Variants in PACS2 observed in about 807,000 individuals in gnomAD.
PACS2 encodes phosphofurin acidic cluster sorting protein 2.
Under a neutral mutation model 113.0 loss-of-function variants are expected in PACS2, and 36 were observed. The observed-to-expected ratio is 0.32, with a 90% CI of 0.24 to 0.42. PACS2 has a LOEUF of 0.42. Ranked by LOEUF, PACS2 falls within the 10% of genes least tolerant of loss-of-function variation. The pLI, the probability that PACS2 is intolerant of heterozygous loss-of-function variation, is 1.00. For synonymous variants in PACS2, 589 were observed against 536.1 expected (o/e 1.10, Z -1.36); for missense variants, 1,015 against 1,239.5 (o/e 0.82, Z 2.72).
intron 20 of PACS2, chr14:105,390,351 AGGAGCCCAAGGCCCCG>A (rs2081315100): frequency 8.6e-6 from 3 of 350,208 alleles, no homozygotes; most frequent in Non-Finnish European, 1.6e-5. Context: ...TCTGTCCTTT[AGGAGCCCAAGGCCCCG>A]GGAGCTTCCC....
At chr14:105,349,260 A>G (rs1466159677) in intron 2 of PACS2, among the ~76,000 whole-genome samples, 1 of 152,176 alleles carries the variant, frequency 6.6e-6, no homozygotes, top group African/African-American at 2.4e-5. Flanking sequence ...TGTGGCCTGT[A>G]TAGGGCCACC....
intron 4 of PACS2, among the ~76,000 whole-genome samples, chr14:105,362,219 C>A (rs756646019): frequency 1.3e-5 from 2 of 150,716 alleles, no homozygotes; most frequent in Admixed American, 1.3e-4. Flanking sequence ...GAGATCAAGA[C>A]CATCCTGGCT....
At position 105,376,375 on chromosome 14, in the gene PACS2, G is replaced by A. The variant is rs1204557483; in HGVS notation, c.802-393G>A. On this transcript the variant is annotated intron_variant, in intron 8 of 24. Transcript: ENST00000447393. This position sits in a 1 kb window ranked among gnomAD's most constrained non-coding sequence, Gnocchi z 4.7. ...GAGATTCGCAGGGCCTGGGGCTGAG[G>A]GAGGGGACGCACTAGAGGAAGGCAA... 6.6e-5 allele frequency among the ~76,000 whole-genome samples: 10 copies of A among 152,200 alleles called. No individual in the cohort carries two copies. Among genetic ancestry groups the A allele is most frequent in the Non-Finnish European group, 1.5e-5 (1 of 68,020 alleles).
Position 105,308,449 on chromosome 14 carries a change from T to TGGTG in PACS2, c.-83+7470_-83+7471insGGTG, listed in dbSNP as rs1301238413. ...GTGAGCTGAGATGGCACCATTGTAC[T>TGGTG]CCAGCCTGGGCACGACAGAGGCAGA... On this transcript the variant is annotated intron_variant, in intron 1 of 23. Transcript: ENST00000430725. Among the ~76,000 whole-genome samples the TGGTG allele has an allele frequency of 2.2e-4, 33 of 149,986 alleles. 1 individual carries two copies. The highest frequency in any genetic ancestry group is 1.5e-3 in the Admixed American group (23 of 15,128).
chr14:105,304,732 C>T (rs934993835), intron 1 of PACS2, among the ~76,000 whole-genome samples: 1 of 152,178 alleles, frequency 6.6e-6, no homozygotes, highest in Non-Finnish European at 1.5e-5. Context: ...GCTGCAGAGG[C>T]CTCACAATCA....
intron 2 of PACS2, among the ~76,000 whole-genome samples, chr14:105,349,840 C>T (rs979201328): frequency 2.8e-5 from 4 of 142,774 alleles, no homozygotes; most frequent in East Asian, 1.9e-4. Flanking sequence ...TCCAGGAGTG[C>T]GTGGCTAATG....
chr14:105,386,775 G>C (rs10150076), intron 19 of PACS2, among the ~76,000 whole-genome samples: 6,499 of 152,194 alleles, frequency 0.043, 487 homozygotes, highest in African/African-American at 0.15. Context: ...CTGGGCGCTG[G>C]GAAGACACAG....
At chr14:105,316,968 G>A (rs997706196) in intron 1 of PACS2, among the ~76,000 whole-genome samples, 3 of 152,208 alleles carry the variant, frequency 2.0e-5, no homozygotes, top group Non-Finnish European at 4.4e-5. Flanking sequence ...CTCATAATGA[G>A]CTCCTGCCCT....
intron 1 of PACS2, among the ~76,000 whole-genome samples, chr14:105,339,740 C>T (rs782303674): frequency 2.0e-5 from 3 of 151,168 alleles, no homozygotes; most frequent in Admixed American, 2.0e-4. Flanking sequence ...AAGAACAAGT[C>T]TTAATTGAAT....
At chr14:105,350,993 G>C (rs782711782) in intron 2 of PACS2, among the ~76,000 whole-genome samples, 8 of 152,204 alleles carry the variant, frequency 5.3e-5, no homozygotes, top group Non-Finnish European at 1.2e-4. Context: ...TGGAGCCCGA[G>C]TACGGCCATG....
chr14:105,369,625 T>TC lies in PACS2; in HGVS notation c.742-212dup, dbSNP rs1334349038. Among the ~76,000 whole-genome samples the TC allele has an allele frequency of 9.2e-5, 14 of 151,786 alleles. No individual in the cohort carries two copies. The East Asian group carries it at 2.7e-3, about 30-fold the overall frequency. On this transcript the variant is annotated intron_variant, in intron 7 of 24. Coordinates refer to ENST00000447393, the MANE Select transcript of PACS2 (RefSeq NM_001100913.3). ...AAGAACCATGGAGTCCGCACACGCCTCCCCGGGTCCCCCTTGGCCAGGAAT... is the reference window on the plus strand; with the variant it reads ...AAGAACCATGGAGTCCGCACACGCCTCCCCCGGGTCCCCCTTGGCCAGGAAT...
In PACS2 at chr14:105,355,544, C is replaced by T. The variant is rs1555405193; in HGVS notation, c.423+367C>T. ...CCACGGGTGCGTCCTGTGATGGGTT[C>T]GTGTCTGCATCCTGCTCAGCACGTG... On this transcript the variant is annotated intron_variant, in intron 4 of 24. Coordinates refer to ENST00000447393, the MANE Select transcript of PACS2 (RefSeq NM_001100913.3). The surrounding 1 kb of genome is among the most constrained non-coding windows in gnomAD (Gnocchi z 4.1). 2.0e-5 allele frequency among the ~76,000 whole-genome samples: 3 copies of T among 152,216 alleles called. No individual in the cohort carries two copies. Among genetic ancestry groups the T allele is most frequent in the African/African-American group, 4.8e-5 (2 of 41,462 alleles).
In PACS2 at chr14:105,317,514, G is replaced by A. The variant is rs587759197; in HGVS notation, c.119+2477G>A. On this transcript the variant is annotated intron_variant, in intron 1 of 24. Transcript: ENST00000447393. This position sits in a 1 kb window ranked among gnomAD's most constrained non-coding sequence, Gnocchi z 4.2. ...CATTTGACTTAATTTTTGCCAGTCT[G>A]GTGGGTGTGAAGTGGTATCGTGGTT... is the stretch of plus-strand genomic sequence containing the variant. 2.3e-3 allele frequency among the ~76,000 whole-genome samples: 354 copies of A among 152,292 alleles called. No individual in the cohort carries two copies. The highest frequency in any genetic ancestry group is 8.5e-3 in the South Asian group (41 of 4,826).
At chr14:105,369,427 G>A (rs1183454637) in intron 7 of PACS2, among the ~76,000 whole-genome samples, 4 of 152,312 alleles carry the variant, frequency 2.6e-5, no homozygotes, top group Non-Finnish European at 2.9e-5. Flanking sequence ...AGGGTGGCAC[G>A]AGGCACCCAC....
intron 8 of PACS2, among the ~76,000 whole-genome samples, chr14:105,375,464 AGTG>A: frequency 7.0e-6 from 1 of 141,908 alleles, no homozygotes; most frequent in East Asian, 2.0e-4. Context: ...GGCAACAGAC[AGTG>A]CGAGACTCCA....
At chr14:105,373,170 A>G (rs1555409712) in intron 8 of PACS2, among the ~76,000 whole-genome samples, 1 of 152,252 alleles carries the variant, frequency 6.6e-6, no homozygotes, top group Non-Finnish European at 1.5e-5. Flanking sequence ...TGATGTACAA[A>G]TTCAACAAAT....
chr14:105,302,691 T>C (rs2058076978), intron 1 of PACS2, among the ~76,000 whole-genome samples: 2 of 152,088 alleles, frequency 1.3e-5, no homozygotes, highest in South Asian at 2.1e-4. Flanking sequence ...GCTCAGGTGA[T>C]CCTCCCACCT....
Position 105,376,966 on chromosome 14 carries a change from A to C in PACS2, c.959+41A>C. On this transcript the variant is annotated intron_variant, in intron 9 of 24. Transcript: ENST00000447393. This position sits in a 1 kb window ranked among gnomAD's most constrained non-coding sequence, Gnocchi z 4.7. ...CGGGGCGGGGAGGAACAGCCATTTC[A>C]GATGCCCCGGCCACTCTGCGACCAC... 1 of 1,545,924 alleles carries C rather than the reference A, an allele frequency of 6.5e-7. No homozygotes were observed.
rs1412006872 is a variant in PACS2, at chr14:105,330,704, GTCT to G, written c.119+15669_119+15671del. Reference sequence around the variant, plus strand: ...CCCACCCAACACCCACGCATTTCCTGTCTTTTCTCAGGCAATCGCCATGGTACC... The same window carrying G: ...CCCACCCAACACCCACGCATTTCCTGTTTCTCAGGCAATCGCCATGGTACC... On this transcript the variant is annotated intron_variant, in intron 1 of 24. Transcript: ENST00000447393. This position sits in a 1 kb window ranked among gnomAD's most constrained non-coding sequence, Gnocchi z 6.9. Among the ~76,000 whole-genome samples the G allele has an allele frequency of 1.3e-5, 2 of 152,232 alleles. No homozygotes were observed. The highest frequency in any genetic ancestry group is 4.8e-5 in the African/African-American group (2 of 41,466).
Sources: allele counts gnomAD v4.1 joint callset (sites outside exome capture counted in the v4.1 genomes callset), GRCh38; gene constraint gnomAD v4.1.1; non-coding constraint Gnocchi (gnomAD v3.1); transcripts MANE v1.5; gene names NCBI Gene and HGNC (gene_info 2026-07-23, HGNC 2026-07-21).